PPM1H: variants seen among roughly 807,000 people sequenced by gnomAD.
The protein encoded by PPM1H is protein phosphatase 1H.
PPM1H carries 27 observed loss-of-function variants against 54.9 expected under a neutral mutation model. The observed-to-expected ratio is 0.49, with a 90% CI of 0.36 to 0.68. The LOEUF is 0.68. PPM1H is among the 30% of genes least tolerant of loss of function. The pLI, the probability that PPM1H is intolerant of heterozygous loss-of-function variation, is 0.00. For synonymous variants in PPM1H, 305 were observed against 270.8 expected, an observed-to-expected ratio of 1.13 and a Z score of -1.24; for missense variants, 596 against 667.8, an observed-to-expected ratio of 0.89 and a Z score of 1.19.
chr12:62,732,945 TACTAA>T (rs1400842496), intron 5 of PPM1H, among the ~76,000 whole-genome samples: 1 of 152,238 alleles, frequency 6.6e-6, no homozygotes. Flanking sequence ...ACTATCATTG[TACTAA>T]ACTATTTTGT....
chr12:62,897,028 C>G (rs1254406909), intron 1 of PPM1H, among the ~76,000 whole-genome samples: 2 of 145,980 alleles, frequency 1.4e-5, no homozygotes, highest in African/African-American at 5.1e-5. Context: ...CATATTCTCA[C>G]TCGCAGGTGG....
At chr12:62,899,207 T>A (rs1412242814) in intron 1 of PPM1H, among the ~76,000 whole-genome samples, 1 of 152,260 alleles carries the variant, frequency 6.6e-6, no homozygotes, top group South Asian at 2.1e-4. Flanking sequence ...TGTATTTTTT[T>A]ATTAGCTATC....
chr12:62,875,453 G>C (rs1870127367), intron 1 of PPM1H, among the ~76,000 whole-genome samples: 1 of 152,146 alleles, frequency 6.6e-6, no homozygotes, highest in South Asian at 2.1e-4. Context: ...AGGATGGCGA[G>C]GAAAGGTACA....
At chr12:62,733,810 C>T (rs1023302516) in intron 5 of PPM1H, among the ~76,000 whole-genome samples, 40 of 152,240 alleles carry the variant, frequency 2.6e-4, no homozygotes, top group Admixed American at 9.2e-4. Flanking sequence ...ACATTAGGTT[C>T]GGTTCTGTGG....
At chr12:62,768,171 C>T (rs749050416) in intron 4 of PPM1H, among the ~76,000 whole-genome samples, 6 of 152,096 alleles carry the variant, frequency 3.9e-5, no homozygotes, top group African/African-American at 1.4e-4. Flanking sequence ...TGTAGCTATA[C>T]CTGCAGTACA....
At chr12:62,743,013 C>T (rs988696216) in intron 4 of PPM1H, among the ~76,000 whole-genome samples, 9 of 151,984 alleles carry the variant, frequency 5.9e-5, no homozygotes, top group Admixed American at 3.3e-4. Context: ...ATGAGTCAAC[C>T]GCAAGAATGG....
chr12:62,681,684 C>A (rs2076019751), intron 8 of PPM1H, among the ~76,000 whole-genome samples: 2 of 152,126 alleles, frequency 1.3e-5, no homozygotes, highest in Non-Finnish European at 2.9e-5. Flanking sequence ...TATCCAAATC[C>A]CCTAGTCCCT....
chr12:62,917,005 A>G (rs1871646683), intron 1 of PPM1H, among the ~76,000 whole-genome samples: 1 of 152,198 alleles, frequency 6.6e-6, no homozygotes, highest in South Asian at 2.1e-4. Flanking sequence ...CATTCTGAAC[A>G]TTATGAAAAT....
chr12:62,789,918 G>A (rs1463968891), intron 3 of PPM1H, among the ~76,000 whole-genome samples: 1 of 152,230 alleles, frequency 6.6e-6, no homozygotes, highest in Non-Finnish European at 1.5e-5. Flanking sequence ...GTGTTAGTAA[G>A]ATACATTGAA....
chr12:62,900,510 A>G (rs962209913), intron 1 of PPM1H, among the ~76,000 whole-genome samples: 1 of 148,754 alleles, frequency 6.7e-6, no homozygotes, highest in Non-Finnish European at 1.5e-5. Flanking sequence ...CATTGTGCAC[A>G]TGTACCCTAG....
chr12:62,836,300 T>C (rs1868502168), intron 1 of PPM1H, among the ~76,000 whole-genome samples: 1 of 152,232 alleles, frequency 6.6e-6, no homozygotes, highest in South Asian at 2.1e-4. Flanking sequence ...CTCCCTAGAA[T>C]ACAGCACATA....
rs1868376328 is a variant in PPM1H at position 62,832,257 on chromosome 12, T to C, written c.268A>G (p.Thr90Ala). ...CAGCTGGCTTGGTCTTCATTGTGTG[T>C]GCTCTTCCCGGCATTGATAACCCTG... is the stretch of plus-strand genomic sequence containing the variant. Reference protein sequence around the residue: ...YAEVINAGKSTHNEDQASCEV... With the variant: ...YAEVINAGKSAHNEDQASCEV... Residue 90 changes from threonine to alanine, a missense_variant, in exon 2 of 10, where the codon ACA (threonine) becomes GCA (alanine). Thr to Ala is a moderately conservative substitution (Grantham distance 58). Around this residue, in one of 3 missense-constraint regions of PPM1H, gnomAD observed 382 missense variants for 387.1 expected, o/e 0.99. Coordinates refer to ENST00000228705, the MANE Select transcript of PPM1H (RefSeq NM_020700.2). 6.2e-7 allele frequency: 1 copy of C among 1,612,944 alleles called. No homozygotes were observed. Among genetic ancestry groups the C allele is most frequent in the Non-Finnish European group, 8.5e-7 (1 of 1,179,460 alleles).
intron 1 of PPM1H, among the ~76,000 whole-genome samples, chr12:62,931,684 C>A (rs1306939638): frequency 1.3e-5 from 2 of 152,104 alleles, no homozygotes; most frequent in African/African-American, 4.8e-5. Context: ...ACAGGCTTGA[C>A]CCTGGGCAAG....
intron 9 of PPM1H, among the ~76,000 whole-genome samples, chr12:62,665,057 CT>C (rs201635395): frequency 2.1e-5 from 3 of 145,724 alleles, no homozygotes; most frequent in African/African-American, 5.1e-5. Flanking sequence ...GTTTCTTTCT[CT>C]TTTTTTTGGG....
chr12:62,851,061 C>T (rs1253558449), intron 1 of PPM1H, among the ~76,000 whole-genome samples: 1 of 152,098 alleles, frequency 6.6e-6, no homozygotes, highest in African/African-American at 2.4e-5. Flanking sequence ...ATGCTGTCTA[C>T]TCAAAGGGCC....
chr12:62,785,506 A>G (rs959608895), intron 4 of PPM1H, among the ~76,000 whole-genome samples: 2 of 152,248 alleles, frequency 1.3e-5, no homozygotes, highest in Non-Finnish European at 2.9e-5. Flanking sequence ...AACACTTAGA[A>G]ATACAAGAAC....
At chr12:62,751,288 G>A (rs953115504) in intron 4 of PPM1H, among the ~76,000 whole-genome samples, 6 of 152,096 alleles carry the variant, frequency 3.9e-5, no homozygotes, top group East Asian at 1.9e-4. Context: ...GCAATGTGAC[G>A]GAACAACTGA....
At chr12:62,834,190 G>C (rs985170854) in intron 1 of PPM1H, among the ~76,000 whole-genome samples, 1 of 152,230 alleles carries the variant, frequency 6.6e-6, no homozygotes, top group South Asian at 2.1e-4. Flanking sequence ...AATTGGCCTC[G>C]GGGGCTTATC....
rs933809152 is a variant in PPM1H at position 62,647,002 on chromosome 12, C to CAA, written c.*1485_*1486dup. 2.0e-5 allele frequency: 3 copies of CAA among 152,142 alleles called. No homozygotes were observed. The highest frequency in any genetic ancestry group is 7.2e-5 in the African/African-American group (3 of 41,408). The allele number at this position is 152,142 out of a possible 1,614,324, so 9.4% of individuals were successfully genotyped here. A position where few individuals can be genotyped will look rare whatever the true frequency, so the allele number is the denominator to read the frequency against. On this transcript the variant is annotated 3_prime_UTR_variant, in exon 10 of 10. Coordinates refer to ENST00000228705, the MANE Select transcript of PPM1H (RefSeq NM_020700.2). The stretch of plus-strand genomic sequence containing the variant: ...GGGTCAGAAGAGTGTTTTAATTACT[C>CAA]AAAGTTGTCAAAATGGTGGCAATAC...
Sources: allele counts gnomAD v4.1 joint callset (sites outside exome capture counted in the v4.1 genomes callset), GRCh38; gene constraint gnomAD v4.1.1; regional missense constraint gnomAD v4.1.1; transcripts MANE v1.5; gene names NCBI Gene and HGNC (gene_info 2026-07-23, HGNC 2026-07-21).